The following ARMC3 variants were observed in gnomAD, a reference collection of about 807,000 sequenced individuals.
The protein encoded by ARMC3 is armadillo repeat-containing protein 3.
In ARMC3, 74 loss-of-function variants were observed where a neutral mutation model predicts 90.3. That is an observed-to-expected ratio of 0.82 (90% confidence interval 0.68 to 0.99). The LOEUF is 0.99. Ranked by LOEUF, ARMC3 falls within the 50% of genes least tolerant of loss-of-function variation. The pLI, the probability that ARMC3 is intolerant of heterozygous loss-of-function variation, is 0.00. For synonymous variants in ARMC3, 334 were observed against 361.8 expected (o/e 0.92, Z 0.87); for missense variants, 958 against 1,042.8 (o/e 0.92, Z 1.12).
intron 2 of ARMC3, among the ~76,000 whole-genome samples, chr10:22,942,073 CT>C (rs1306107707): frequency 5.3e-5 from 8 of 152,140 alleles, no homozygotes; most frequent in African/African-American, 1.9e-4. Flanking sequence ...GAGGTTTATG[CT>C]TTAGCAGAAG....
chr10:22,944,022 A>T (rs1834425034), intron 2 of ARMC3, among the ~76,000 whole-genome samples: 1 of 151,804 alleles, frequency 6.6e-6, no homozygotes, highest in Non-Finnish European at 1.5e-5. Context: ...GTATTTTTTG[A>T]TCCACCACAG....
chr10:22,959,214 C>A, intron 5 of ARMC3, 76 bp downstream of exon 5: 2 of 1,419,670 alleles, frequency 1.4e-6, no homozygotes, highest in Non-Finnish European at 9.9e-7. Context: ...TATTGAAAAT[C>A]ATTCATGAAA....
chr10:23,016,667 T>C (rs932617463), intron 16 of ARMC3, among the ~76,000 whole-genome samples: 2 of 152,230 alleles, frequency 1.3e-5, no homozygotes, highest in Non-Finnish European at 2.9e-5. Flanking sequence ...GCAGACTTCA[T>C]GGGAAAGAAG....
At chr10:23,022,988 C>A (rs1032947704) in intron 16 of ARMC3, among the ~76,000 whole-genome samples, 2 of 152,064 alleles carry the variant, frequency 1.3e-5, no homozygotes, top group African/African-American at 2.4e-5. Flanking sequence ...ACAGGGCACT[C>A]CTTTGTCCCC....
At chr10:22,968,027 T>C (rs1835513634) in intron 7 of ARMC3, among the ~76,000 whole-genome samples, 1 of 152,256 alleles carries the variant, frequency 6.6e-6, no homozygotes, top group Admixed American at 6.5e-5. Context: ...CAGAAGACTG[T>C]ATGAGCAACT....
intron 8 of ARMC3, among the ~76,000 whole-genome samples, chr10:22,976,591 G>C (rs1234642013): frequency 1.3e-5 from 2 of 152,152 alleles, no homozygotes; most frequent in Middle Eastern, 3.4e-3. Context: ...ACCTAAACTT[G>C]CCTTCTGTTT....
chr10:23,027,904 G>A (rs551025107), intron 16 of ARMC3, among the ~76,000 whole-genome samples: 1 of 152,180 alleles, frequency 6.6e-6, no homozygotes, highest in African/African-American at 2.4e-5. Context: ...ATTTTGGGAG[G>A]CCAAGGCAGG....
At chr10:22,973,033 C>T (rs1249931791) in intron 8 of ARMC3, among the ~76,000 whole-genome samples, 1 of 152,052 alleles carries the variant, frequency 6.6e-6, no homozygotes, top group East Asian at 1.9e-4. Flanking sequence ...GTGGCTCACA[C>T]CTGTAATCCT....
At position 22,959,489 on chromosome 10, in the gene ARMC3, G is replaced by T; in HGVS notation, c.452G>T (p.Gly151Val). Residue 151 changes from glycine (G) to valine (V), a missense_variant, in exon 6 of 19, where the codon GGA becomes GTA. Transcript: ENST00000298032. The part of the protein sequence containing the change: ...TSKVQIFEHG[G>V]LEPLIRLLSS... ...AAAGTGCAAATATTTGAACATGGGG[G>T]ATTAGAGCCACTCATCAGACTACTG... 1.9e-6 allele frequency: 3 copies of T among 1,613,974 alleles called. No homozygotes were observed. The highest frequency in any genetic ancestry group is 2.5e-6 in the Non-Finnish European group (3 of 1,179,928).
At chr10:23,030,427 A>G (rs568966698) in intron 16 of ARMC3, among the ~76,000 whole-genome samples, 169 bp from the exon 17 acceptor site, 2 of 152,254 alleles carry the variant, frequency 1.3e-5, no homozygotes, top group East Asian at 3.9e-4. Flanking sequence ...GGCCAACTGT[A>G]TTTACTGAAA....
intron 2 of ARMC3, among the ~76,000 whole-genome samples, chr10:22,941,052 G>T (rs1834308102): frequency 6.6e-6 from 1 of 152,134 alleles, no homozygotes; most frequent in African/African-American, 2.4e-5. Context: ...ATGAAACATG[G>T]ATCTCAAAAA....
chr10:22,963,721 C>G (rs1835300888), intron 7 of ARMC3, among the ~76,000 whole-genome samples: 1 of 151,702 alleles, frequency 6.6e-6, no homozygotes, highest in South Asian at 2.1e-4. Flanking sequence ...GAAACCCCGT[C>G]TCTACTAAAA....
intron 2 of ARMC3, among the ~76,000 whole-genome samples, chr10:22,932,462 G>A (rs1264221379): frequency 2.0e-5 from 3 of 152,194 alleles, no homozygotes; most frequent in Admixed American, 6.5e-5. Flanking sequence ...ACCACTGCAC[G>A]TGAGAAGTCC....
At chr10:23,023,911 G>T (rs1838610055) in intron 16 of ARMC3, among the ~76,000 whole-genome samples, 1 of 152,140 alleles carries the variant, frequency 6.6e-6, no homozygotes, top group Non-Finnish European at 1.5e-5. Context: ...AAGGAGAGGA[G>T]AGAGGGTAGG....
chr10:22,960,823 A>T (rs1439927056), intron 6 of ARMC3: 1 of 152,202 alleles, frequency 6.6e-6, no homozygotes, highest in East Asian at 1.9e-4. Flanking sequence ...CTGAGACCAG[A>T]TAGGACCCTT....
intron 4 of ARMC3, among the ~76,000 whole-genome samples, chr10:22,957,387 C>G (rs535306940): frequency 3.5e-4 from 54 of 152,280 alleles, no homozygotes; most frequent in Admixed American, 1.2e-3. Context: ...AGCTGCAGTG[C>G]TGGAAGCAGA....
At chr10:22,995,161 G>A (rs1369190812) in intron 10 of ARMC3, among the ~76,000 whole-genome samples, 4 of 152,046 alleles carry the variant, frequency 2.6e-5, no homozygotes, top group Non-Finnish European at 5.9e-5. Context: ...CTTGTGTACA[G>A]GGAAAAATAC....
chr10:22,948,036 G>C (rs534746244), intron 3 of ARMC3, among the ~76,000 whole-genome samples: 1 of 152,172 alleles, frequency 6.6e-6, no homozygotes, highest in Admixed American at 6.5e-5. Flanking sequence ...TTCAAACTAA[G>C]ATAGGGACAA....
At chr10:23,011,326 C>T (rs1009717533) in intron 16 of ARMC3, among the ~76,000 whole-genome samples, 1 of 152,170 alleles carries the variant, frequency 6.6e-6, no homozygotes, top group Non-Finnish European at 1.5e-5. Context: ...GTTACCTTCT[C>T]TTTGTCTCTG....
Sources: gnomAD v4.1 joint callset for allele counts (sites outside exome capture counted in the v4.1 genomes callset) on GRCh38, gnomAD v4.1.1 for gene constraint, MANE v1.5 for transcripts, NCBI Gene and HGNC (gene_info 2026-07-23, HGNC 2026-07-21) for gene names.